Variants in FGF14 observed in about 807,000 individuals in gnomAD.
FGF14 encodes the protein fibroblast growth factor 14.
Under a neutral mutation model 25.5 loss-of-function variants are expected in FGF14, and 5 were observed. The observed-to-expected ratio is 0.20, with a 90% CI of 0.10 to 0.41. The LOEUF (loss-of-function observed/expected upper bound fraction) is 0.41. FGF14 is among the 10% of genes least tolerant of loss of function. The pLI, the probability that FGF14 is intolerant of heterozygous loss-of-function variation, is 1.00. For synonymous variants in FGF14, 138 were observed against 118.3 expected, an observed-to-expected ratio of 1.17 and a Z score of -1.08; for missense variants, 222 against 320.1, an observed-to-expected ratio of 0.69 and a Z score of 2.34.
intron 1 of FGF14, among the ~76,000 whole-genome samples, chr13:102,264,434 GT>G (rs1454225758): frequency 6.6e-6 from 1 of 152,132 alleles, no homozygotes; most frequent in Non-Finnish European, 1.5e-5. Flanking sequence ...AGCTGATTGA[GT>G]TATATGGCTA....
chr13:101,807,846 T>C (rs1331479225), intron 3 of FGF14, among the ~76,000 whole-genome samples: 19 of 152,066 alleles, frequency 1.2e-4, no homozygotes, highest in Non-Finnish European at 2.6e-4. Context: ...TTACATTTAA[T>C]AACTTCTATA....
chr13:102,328,618 C>T (rs1461576495), intron 1 of FGF14, among the ~76,000 whole-genome samples: 4 of 152,206 alleles, frequency 2.6e-5, no homozygotes, highest in African/African-American at 7.2e-5. Context: ...CTGCCTGGTA[C>T]ATTGTGGATG....
chr13:102,236,235 G>A (rs2051322100), intron 1 of FGF14, among the ~76,000 whole-genome samples: 1 of 152,114 alleles, frequency 6.6e-6, no homozygotes, highest in Admixed American at 6.5e-5. Flanking sequence ...GGACTTGCCC[G>A]AATTATTCGT....
intron 1 of FGF14, among the ~76,000 whole-genome samples, chr13:102,101,748 AGGCTGGAGTACAGT>A (rs1165802593): frequency 6.6e-6 from 1 of 151,858 alleles, no homozygotes; most frequent in Non-Finnish European, 1.5e-5. Flanking sequence ...TTTATTGCCC[AGGCTGGAGTACAGT>A]GGCATGATCT....
intron 1 of FGF14, among the ~76,000 whole-genome samples, chr13:102,068,882 C>T (rs187021315): frequency 6.6e-6 from 1 of 152,316 alleles, no homozygotes; most frequent in Non-Finnish European, 1.5e-5. Flanking sequence ...GGCTGGCAGG[C>T]AGCTCCACCT....
chr13:101,872,309 T>C (rs2045141624), intron 2 of FGF14, among the ~76,000 whole-genome samples: 1 of 151,532 alleles, frequency 6.6e-6, no homozygotes, highest in Non-Finnish European at 1.5e-5. Flanking sequence ...AGTATGTTTA[T>C]GAATGATTAT....
intron 3 of FGF14, among the ~76,000 whole-genome samples, chr13:101,812,634 TATATATATATATATATATA>T (rs1313035396): frequency 4.9e-3 from 67 of 13,566 alleles, no homozygotes; most frequent in East Asian, 8.6e-3. Flanking sequence ...TATATATATA[TATATATATATATATATATA>T]TTTTTTTTTT....
intron 1 of FGF14, among the ~76,000 whole-genome samples, chr13:102,160,348 C>T (rs1320821429): frequency 6.6e-6 from 1 of 152,142 alleles, no homozygotes; most frequent in Non-Finnish European, 1.5e-5. Context: ...TCAAGCCCAG[C>T]TATGTTCTAC....
At chr13:102,095,083 C>CT (rs1457131931) in intron 1 of FGF14, among the ~76,000 whole-genome samples, 1 of 152,134 alleles carries the variant, frequency 6.6e-6, no homozygotes, top group African/African-American at 2.4e-5. Context: ...AGAAAATGCC[C>CT]TGAAAGCCAT....
chr13:102,378,627 CT>C (rs2058099931), intron 1 of FGF14, among the ~76,000 whole-genome samples: 1 of 132,652 alleles, frequency 7.5e-6, no homozygotes, highest in African/African-American at 2.9e-5. Context: ...ATCTATCTAT[CT>C]ATCTATATAT....
chr13:101,792,004 C>G (rs1412096563), intron 3 of FGF14, among the ~76,000 whole-genome samples: 1 of 152,102 alleles, frequency 6.6e-6, no homozygotes, highest in African/African-American at 2.4e-5. Flanking sequence ...GAAATTATTA[C>G]TGAAGCCTTA....
At chr13:102,356,805 T>G (rs2057428713) in intron 1 of FGF14, among the ~76,000 whole-genome samples, 1 of 152,008 alleles carries the variant, frequency 6.6e-6, no homozygotes, top group South Asian at 2.1e-4. Flanking sequence ...CAGCAGCTGT[T>G]TTTAAAATGA....
intron 1 of FGF14, among the ~76,000 whole-genome samples, chr13:101,983,081 G>A (rs921132865): frequency 2.7e-5 from 4 of 145,622 alleles, no homozygotes; most frequent in African/African-American, 1.1e-4. Flanking sequence ...ATGGCTGTTT[G>A]TGTATTGTCT....
intron 1 of FGF14, among the ~76,000 whole-genome samples, chr13:102,090,032 C>T (rs1350863333): frequency 6.6e-6 from 1 of 152,140 alleles, no homozygotes; most frequent in Non-Finnish European, 1.5e-5. Context: ...GAATAATTGT[C>T]TTCTAGTGTT....
At chr13:102,172,919 T>C (rs901111122) in intron 1 of FGF14, among the ~76,000 whole-genome samples, 6 of 152,250 alleles carry the variant, frequency 3.9e-5, no homozygotes, top group African/African-American at 1.4e-4. Context: ...TTAAGCCAGC[T>C]ACCAAATTAA....
At position 102,331,394 on chromosome 13, in the gene FGF14, T is replaced by C. The variant is rs1169486854; in HGVS notation, c.208+70077A>G. On this transcript the variant is annotated intron_variant, in intron 1 of 4. Transcript: ENST00000376131. ...AAATGCTGTTCTACTCCATCACATG[T>C]GTGCATCATCAGCTTGCATGTATTG... Among the ~76,000 whole-genome samples the C allele has an allele frequency of 2.0e-5, 3 of 152,318 alleles. No individual in the cohort carries two copies. In the East Asian group the frequency reaches 5.8e-4, roughly 29 times the overall value.
At chr13:102,080,732 G>A (rs548376538) in intron 1 of FGF14, among the ~76,000 whole-genome samples, 2 of 152,222 alleles carry the variant, frequency 1.3e-5, no homozygotes, top group Non-Finnish European at 2.9e-5. Context: ...GTAGACAGCA[G>A]AATGAGGATT....
rs558212800 is a variant in FGF14, at chr13:102,201,354, C to A, written c.208+200117G>T. On this transcript the variant is annotated intron_variant, in intron 1 of 4. Coordinates refer to the FGF14 transcript ENST00000376131. ...TGCCAAGGGATTTGTAAAATCTATC[C>A]GTGAACATGTAGAGTTCACAGGAAA... Among the ~76,000 whole-genome samples, 3 of 151,952 alleles carry A rather than the reference C, an allele frequency of 2.0e-5. No homozygotes were observed. The East Asian group carries it at 5.8e-4, about 30-fold the overall frequency.
Position 101,712,149 on chromosome 13 carries a change from C to T in FGF14, c.*10682G>A, listed in dbSNP as rs1395866325. On this transcript the variant is annotated 3_prime_UTR_variant, in exon 5 of 5. Transcript: ENST00000376143. ...ACACTGTGTTATTACTATGTGCTAT[C>T]TAGTTCTAGTTTCACAAGCAGTAGA... 2.6e-5 allele frequency: 4 copies of T among 152,184 alleles called. No homozygotes were observed. Among genetic ancestry groups the T allele is most frequent in the Non-Finnish European group, 5.9e-5 (4 of 68,044 alleles). 9.4% of individuals were successfully genotyped at this position (152,184 alleles called of 1,614,324 possible).
Sources: gnomAD v4.1 joint callset for allele counts (sites outside exome capture counted in the v4.1 genomes callset) on GRCh38, gnomAD v4.1.1 for gene constraint, MANE v1.5 for transcripts, NCBI Gene and HGNC (gene_info 2026-07-23, HGNC 2026-07-21) for gene names.